The following AKT3 variants were observed in gnomAD, a reference collection of about 807,000 sequenced individuals.
AKT3 encodes RAC-gamma serine/threonine-protein kinase.
AKT3 carries 15 observed loss-of-function variants against 65.3 expected under a neutral mutation model. The observed-to-expected ratio is 0.23, with a 90% CI of 0.15 to 0.35. AKT3 has a LOEUF of 0.35. Among genes scored for constraint, AKT3 ranks in the 10% least tolerant of loss-of-function variants. The pLI, the probability that AKT3 is intolerant of heterozygous loss-of-function variation, is 1.00. For synonymous variants in AKT3, 206 were observed against 183.8 expected, an observed-to-expected ratio of 1.12 and a Z score of -0.98; for missense variants, 243 against 576.5, an observed-to-expected ratio of 0.42 and a Z score of 5.92.
chr1:243,736,816 G>C (rs149909791), intron 2 of AKT3, among the ~76,000 whole-genome samples: 35 of 152,212 alleles, frequency 2.3e-4, no homozygotes, highest in Middle Eastern at 3.4e-3. Flanking sequence ...ACTTCATCCA[G>C]ATGTATGCCA....
chr1:243,548,740 T>C (rs576310255), intron 11 of AKT3, among the ~76,000 whole-genome samples: 1 of 152,308 alleles, frequency 6.6e-6, no homozygotes, highest in South Asian at 2.1e-4. Flanking sequence ...ACTGAATACA[T>C]GAGGTCATGC....
At chr1:243,827,039 A>C (rs1296613700) in intron 2 of AKT3, among the ~76,000 whole-genome samples, 1 of 103,578 alleles carries the variant, frequency 9.7e-6, no homozygotes, top group Admixed American at 1.1e-4. Context: ...AAATAATATA[A>C]GGAAGGAAAA....
chr1:243,728,339 A>C (rs1265278847), intron 2 of AKT3, among the ~76,000 whole-genome samples: 1 of 152,194 alleles, frequency 6.6e-6, no homozygotes, highest in Non-Finnish European at 1.5e-5. Flanking sequence ...CTTCCCTCCA[A>C]GAAACCGCCA....
At chr1:243,498,554 A>G (rs1668641384), downstream of AKT3, among the ~76,000 whole-genome samples, 1 of 152,250 alleles carries the variant, frequency 6.6e-6, no homozygotes, top group East Asian at 1.9e-4. Context: ...CACTACTCAC[A>G]GACCTGTTCA....
intron 2 of AKT3, among the ~76,000 whole-genome samples, chr1:243,711,677 A>T (rs189112776): frequency 3.3e-5 from 5 of 152,338 alleles, no homozygotes; most frequent in African/African-American, 1.2e-4. Flanking sequence ...CATTCAAGAC[A>T]TTCTAAATAT....
At chr1:243,795,464 T>TTTG (rs1691917296) in intron 2 of AKT3, among the ~76,000 whole-genome samples, 3 of 96,670 alleles carry the variant, frequency 3.1e-5, no homozygotes, top group Non-Finnish European at 4.4e-5. Flanking sequence ...TTTTTTTTGT[T>TTTG]TTTTTTTTTT....
At chr1:243,507,479 C>G (rs917780765) in intron 13 of AKT3, among the ~76,000 whole-genome samples, 1 of 152,122 alleles carries the variant, frequency 6.6e-6, no homozygotes, top group Non-Finnish European at 1.5e-5. Flanking sequence ...AACAATGAGG[C>G]GTGAACATCT....
chr1:243,620,338 A>C (rs1201380212), intron 6 of AKT3, among the ~76,000 whole-genome samples: 2 of 98,080 alleles, frequency 2.0e-5, no homozygotes, highest in African/African-American at 5.3e-5. Flanking sequence ...TAAATTACCC[A>C]ATCTTGGGCA....
At chr1:243,497,544 CAGG>C (rs1425929564), downstream of AKT3, among the ~76,000 whole-genome samples, 6 of 152,230 alleles carry the variant, frequency 3.9e-5, no homozygotes, top group East Asian at 7.7e-4. Flanking sequence ...CCCACGGAAT[CAGG>C]AGGTCACCCG....
chr1:243,806,736 T>C (rs560077669), intron 2 of AKT3, among the ~76,000 whole-genome samples: 44 of 152,346 alleles, frequency 2.9e-4, no homozygotes, highest in African/African-American at 1.0e-3. Context: ...CATTAACTTA[T>C]TGTTTTAAAT....
chr1:243,850,086 GC>G lies in AKT3; in HGVS notation c.-160del. On this transcript the variant is annotated 5_prime_UTR_variant, in exon 1 of 14. Transcript: ENST00000673466. ...TGGCGGCCCCGCAGCTGCTCGGGCG[GC>G]GGCGGAGGATGGAGCCGGGGGGGGG... 1.4e-6 allele frequency: 1 copy of G among 737,062 alleles called. No individual in the cohort carries two copies. Among genetic ancestry groups the G allele is most frequent in the Non-Finnish European group, 1.7e-6 (1 of 604,910 alleles). The allele number at this position is 737,062 out of a possible 1,614,324, so 45.7% of individuals were successfully genotyped here. A position where few individuals can be genotyped will look rare whatever the true frequency, so the allele number is the denominator to read the frequency against.
intron 8 of AKT3, among the ~76,000 whole-genome samples, chr1:243,593,513 C>T (rs1003707136): frequency 9.2e-5 from 14 of 152,014 alleles, no homozygotes; most frequent in Non-Finnish European, 2.9e-5. Context: ...ATAGTGAAAC[C>T]CCAACTCTAA....
intron 8 of AKT3, among the ~76,000 whole-genome samples, chr1:243,598,602 T>C (rs909087128): frequency 2.6e-5 from 4 of 152,280 alleles, no homozygotes; most frequent in Admixed American, 1.3e-4. Context: ...ATTCAGCCCA[T>C]CCTTGCAAAA....
chr1:243,761,127 C>T (rs924569826), intron 2 of AKT3, among the ~76,000 whole-genome samples: 6 of 152,084 alleles, frequency 3.9e-5, no homozygotes, highest in African/African-American at 1.4e-4. Context: ...AGCCAAGACA[C>T]CAGAGCAGGG....
At chr1:243,667,908 C>T (rs1348850317) in intron 3 of AKT3, among the ~76,000 whole-genome samples, 4 of 152,152 alleles carry the variant, frequency 2.6e-5, no homozygotes, top group Non-Finnish European at 5.9e-5. Context: ...TTTTTGCCCT[C>T]TGCCTAACAT....
rs1669367534 is a variant in AKT3, at chr1:243,502,338, G to A, written c.*2911C>T. 1 of 232,864 alleles carries A rather than the reference G, an allele frequency of 4.3e-6. No individual in the cohort carries two copies. Among genetic ancestry groups the A allele is most frequent in the South Asian group, 1.8e-4 (1 of 5,526 alleles). The allele number at this position is 232,864 out of a possible 1,614,324, so 14.4% of individuals were successfully genotyped here. A position where few individuals can be genotyped will look rare whatever the true frequency, so the allele number is the denominator to read the frequency against. On this transcript the variant is annotated 3_prime_UTR_variant, in exon 14 of 14. Coordinates refer to ENST00000673466, the MANE Select transcript of AKT3 (RefSeq NM_005465.7). ...TTTAAGAAGCTGGAAATCAGGGATG[G>A]GAAATGGAAAACAATACTTGAATAA...
At chr1:243,495,802 C>T (rs576454418), downstream of AKT3, among the ~76,000 whole-genome samples, 1 of 152,308 alleles carries the variant, frequency 6.6e-6, no homozygotes, top group African/African-American at 2.4e-5. Flanking sequence ...GCTCACGTGG[C>T]TTATTTCATC....
chr1:243,580,570 T>C (rs1235577271), intron 8 of AKT3, among the ~76,000 whole-genome samples: 2 of 152,164 alleles, frequency 1.3e-5, no homozygotes, highest in African/African-American at 4.8e-5. Context: ...GGCTTCACAG[T>C]CAAAACTGTG....
intron 2 of AKT3, among the ~76,000 whole-genome samples, chr1:243,761,616 T>A (rs1572296527): frequency 6.6e-6 from 1 of 151,902 alleles, no homozygotes; most frequent in African/African-American, 2.4e-5. Flanking sequence ...CTAAATGAAA[T>A]AGGCCAGTCA....
Sources: gnomAD v4.1 joint callset for allele counts (sites outside exome capture counted in the v4.1 genomes callset) on GRCh38, gnomAD v4.1.1 for gene constraint, MANE v1.5 for transcripts, NCBI Gene and HGNC (gene_info 2026-07-23, HGNC 2026-07-21) for gene names.